The following CDKL5 variants were observed in gnomAD, a reference collection of about 807,000 sequenced individuals.
The protein encoded by CDKL5 is cyclin-dependent kinase-like 5.
A neutral mutation model predicts 61.7 loss-of-function variants in CDKL5; 8 were observed. That is an observed-to-expected ratio of 0.13 (90% CI 0.08 to 0.23). The LOEUF is 0.23. Among genes scored for constraint, CDKL5 ranks in the 10% least tolerant of loss-of-function variants. The pLI, the probability that CDKL5 is intolerant of heterozygous loss-of-function variation, is 1.00. For synonymous variants in CDKL5, 275 were observed against 272.3 expected, an observed-to-expected ratio of 1.01 and a Z score of -0.10; for missense variants, 440 against 734.5, an observed-to-expected ratio of 0.60 and a Z score of 4.63.
intron 10 of CDKL5, among the ~76,000 whole-genome samples, chrX:18,597,870 A>G (rs1320479421): frequency 9.0e-6 from 1 of 111,374 alleles, no homozygotes; most frequent in African/African-American, 3.3e-5. Context: ...TGCTGGGATT[A>G]CAGGCGTGAG....
At chrX:18,643,294 C>T (rs1927650447), downstream of CDKL5, among the ~76,000 whole-genome samples, 1 of 111,710 alleles carries the variant, frequency 9.0e-6, no homozygotes, top group South Asian at 3.8e-4. Flanking sequence ...CTGGCTGTTG[C>T]ATTTGGCCCC....
chrX:18,642,258 T>G, downstream of CDKL5: 1 of 922,107 alleles, frequency 1.1e-6, no homozygotes, highest in Non-Finnish European at 1.6e-6. Context: ...TAGAAATGAT[T>G]AGGAAGTAGT....
At chrX:18,526,190 G>C (rs763436237) in intron 3 of CDKL5, among the ~76,000 whole-genome samples, 5 of 112,124 alleles carry the variant, frequency 4.5e-5, no homozygotes, top group African/African-American at 6.5e-5. Context: ...CACTATTTTT[G>C]GGGTGCTAAT....
intron 3 of CDKL5, among the ~76,000 whole-genome samples, chrX:18,516,640 C>A (rs1308858835): frequency 5.4e-5 from 6 of 110,816 alleles, no homozygotes; most frequent in African/African-American, 2.0e-4. Context: ...CCCATCTTGG[C>A]CTCCCAAAGT....
chrX:18,496,662 G>T (rs766728396), intron 1 of CDKL5, among the ~76,000 whole-genome samples: 2 of 111,656 alleles, frequency 1.8e-5, no homozygotes, highest in South Asian at 7.5e-4. Context: ...TGCCTTCAGG[G>T]TCTGCTATTT....
intron 1 of CDKL5, among the ~76,000 whole-genome samples, chrX:18,495,024 G>A (rs186571615): frequency 2.2e-3 from 243 of 112,122 alleles, no homozygotes; most frequent in Non-Finnish European, 1.9e-3. Context: ...TCACAAGGCC[G>A]TGCCTTCCAT....
At chrX:18,611,486 G>C (rs1926552848) in intron 14 of CDKL5, among the ~76,000 whole-genome samples, 1 of 106,115 alleles carries the variant, frequency 9.4e-6, no homozygotes, top group South Asian at 4.1e-4. Context: ...TTTTAATTAA[G>C]ATTTAATTTA....
intron 1 of CDKL5, among the ~76,000 whole-genome samples, chrX:18,434,216 T>G (rs1842859586): frequency 8.9e-6 from 1 of 111,807 alleles, no homozygotes; most frequent in Non-Finnish European, 1.9e-5. Context: ...GGGATGTTAT[T>G]TTTTTGGGTA....
chrX:18,467,147 C>A (rs1024406431), intron 1 of CDKL5, among the ~76,000 whole-genome samples: 7 of 110,651 alleles, frequency 6.3e-5, no homozygotes, highest in Non-Finnish European at 9.5e-5. Context: ...CCGAGAATGA[C>A]CCTGAGGTCT....
chrX:18,554,617 T>C (rs1370354256), intron 3 of CDKL5, among the ~76,000 whole-genome samples: 2 of 109,997 alleles, frequency 1.8e-5, no homozygotes, highest in Non-Finnish European at 3.8e-5. Context: ...GGTTTTGCCA[T>C]GTTGGCCAGG....
intron 3 of CDKL5, among the ~76,000 whole-genome samples, chrX:18,537,680 C>T (rs1261945253): frequency 2.7e-5 from 3 of 111,881 alleles, no homozygotes; most frequent in Non-Finnish European, 3.8e-5. Context: ...TCTTTCTAAC[C>T]CCTGGCAACC....
At chrX:18,460,662 C>T (rs1473016686) in intron 1 of CDKL5, among the ~76,000 whole-genome samples, 1 of 110,454 alleles carries the variant, frequency 9.1e-6, no homozygotes, top group Admixed American at 9.7e-5. Context: ...CCACCATGCC[C>T]AGCTAATTTT....
intron 1 of CDKL5, among the ~76,000 whole-genome samples, chrX:18,454,258 A>T (rs1159712878): frequency 9.2e-6 from 1 of 108,343 alleles, no homozygotes. Context: ...TTTTTTTGAG[A>T]TGGAGTCTTG....
chrX:18,555,805 A>G (rs964869918), intron 3 of CDKL5, among the ~76,000 whole-genome samples: 2 of 112,420 alleles, frequency 1.8e-5, no homozygotes, highest in African/African-American at 6.5e-5. Context: ...AAAACCTTAC[A>G]TAAAGCAGAG....
intron 1 of CDKL5, among the ~76,000 whole-genome samples, chrX:18,480,912 C>T (rs1040417395): frequency 3.0e-5 from 3 of 101,391 alleles, no homozygotes; most frequent in Non-Finnish European, 5.9e-5. Flanking sequence ...GGCTGGAGTG[C>T]GGTGGCGTGA....
downstream of CDKL5, among the ~76,000 whole-genome samples, chrX:18,642,713 C>G (rs1342906339): frequency 1.8e-5 from 2 of 112,518 alleles, no homozygotes; most frequent in African/African-American, 6.5e-5. Context: ...GTGATGAGTA[C>G]CTTTCCAACT....
intron 1 of CDKL5, among the ~76,000 whole-genome samples, chrX:18,493,895 T>G (rs1463524328): frequency 4.5e-5 from 5 of 112,352 alleles, no homozygotes; most frequent in African/African-American, 1.6e-4. Context: ...ATAGTACAGT[T>G]TTAGTATGAA....
intron 3 of CDKL5, among the ~76,000 whole-genome samples, chrX:18,527,695 T>A (rs1187632745): frequency 9.0e-6 from 1 of 111,662 alleles, no homozygotes; most frequent in African/African-American, 3.2e-5. Context: ...TACTGTTGAT[T>A]GTTTTCAGTT....
intron 3 of CDKL5, among the ~76,000 whole-genome samples, chrX:18,533,300 A>G (rs1157198644): frequency 9.0e-6 from 1 of 111,499 alleles, no homozygotes; most frequent in Non-Finnish European, 1.9e-5. Flanking sequence ...TATTATAAAG[A>G]AGTAAGGGCC....
Sources: allele counts gnomAD v4.1 joint callset (sites outside exome capture counted in the v4.1 genomes callset), GRCh38; gene constraint gnomAD v4.1.1; transcripts MANE v1.5; gene names NCBI Gene and HGNC (gene_info 2026-07-23, HGNC 2026-07-21).